Variants in CBX1 observed in about 807,000 individuals in gnomAD.
CBX1 encodes chromobox protein homolog 1.
CBX1 carries 10 observed loss-of-function variants against 25.1 expected under a neutral mutation model. The observed-to-expected ratio is 0.40, with a 90% CI of 0.25 to 0.68. The LOEUF (loss-of-function observed/expected upper bound fraction) is 0.68, where lower values mean the gene tolerates loss of function less well. Ranked by LOEUF, CBX1 falls within the 30% of genes least tolerant of loss-of-function variation. The probability of loss-of-function intolerance (pLI) is 0.40; values close to 1 mark genes in which losing one functional copy is unlikely to be tolerated. For missense variants in CBX1, 106 were observed against 218.5 expected, an observed-to-expected ratio of 0.49 and a Z score of 3.25; for synonymous variants, 63 against 79.4, an observed-to-expected ratio of 0.79 and a Z score of 1.10.
intron 2 of CBX1, 32 bp downstream of exon 2, chr17:48,076,832 GT>G (rs1567764086): frequency 6.3e-7 from 1 of 1,591,862 alleles, no homozygotes; most frequent in Non-Finnish European, 8.6e-7. Context: ...TAAACACGTG[GT>G]GGCTACATTT....
At chr17:48,076,718 C>T (rs2037678145) in intron 2 of CBX1, 147 bp downstream of exon 2, 1 of 696,030 alleles carries the variant, frequency 1.4e-6, no homozygotes, top group African/African-American at 1.8e-5. Flanking sequence ...GTATTATAAG[C>T]AGTAGGCCAT....
chr17:48,092,558 A>C (rs1420383876), intron 1 of CBX1, among the ~76,000 whole-genome samples: 1 of 150,512 alleles, frequency 6.6e-6, no homozygotes, highest in Non-Finnish European at 1.5e-5. Context: ...GGTTCAAGGG[A>C]TTCTCCTGCC....
chr17:48,091,620 A>G (rs1387643625), intron 1 of CBX1, among the ~76,000 whole-genome samples: 2 of 146,374 alleles, frequency 1.4e-5, no homozygotes, highest in African/African-American at 5.2e-5. Flanking sequence ...GGCTCACCGC[A>G]ACTTCTGCCT....
Position 48,076,993 on chromosome 17 carries a change from T to C in CBX1, c.12A>G (p.Lys4=), listed in dbSNP as rs768496504. The C allele has an allele frequency of 2.5e-6, 4 of 1,613,068 alleles. No homozygotes were observed. The East Asian group carries it at 8.9e-5, about 36-fold the overall frequency. Residue 4 remains lysine, a synonymous_variant, in exon 2 of 5, where the codon AAA becomes AAG. Transcript: ENST00000225603. MGK[K]QNKKKVEEVL... ...CCTCCTCCACTTTCTTCTTGTTTTGTTTTTTCCCCATAGTGCCCGCCAGCT... is the reference window on the plus strand; with the variant it reads ...CCTCCTCCACTTTCTTCTTGTTTTGCTTTTTCCCCATAGTGCCCGCCAGCT...
intron 1 of CBX1, among the ~76,000 whole-genome samples, chr17:48,079,155 G>A (rs1203096289): frequency 6.7e-6 from 1 of 149,720 alleles, no homozygotes; most frequent in East Asian, 2.0e-4. Context: ...AGCCGGGCTG[G>A]AGTGCAGTGG....
At chr17:48,082,970 G>A (rs914123996) in intron 1 of CBX1, among the ~76,000 whole-genome samples, 3 of 147,570 alleles carry the variant, frequency 2.0e-5, no homozygotes, top group African/African-American at 7.9e-5. Flanking sequence ...AGGTTCAAGC[G>A]ATTCTCCTGC....
At chr17:48,081,997 T>C (rs888998501) in intron 1 of CBX1, among the ~76,000 whole-genome samples, 29 of 152,090 alleles carry the variant, frequency 1.9e-4, no homozygotes, top group African/African-American at 6.8e-4. Flanking sequence ...ACACCTGTAA[T>C]TCCAGCACTT....
intron 1 of CBX1, among the ~76,000 whole-genome samples, chr17:48,091,074 A>G (rs202009642): frequency 1.3e-5 from 2 of 152,234 alleles, no homozygotes; most frequent in South Asian, 2.1e-4. Flanking sequence ...CAAGGAGACA[A>G]CTCAGCCAAA....
chr17:48,091,675 G>T (rs1257189308), intron 1 of CBX1, among the ~76,000 whole-genome samples: 3 of 151,620 alleles, frequency 2.0e-5, no homozygotes, highest in African/African-American at 7.3e-5. Flanking sequence ...CCAAATAGCT[G>T]GAATTACAAG....
chr17:48,094,317 C>T (rs60843764), intron 1 of CBX1, among the ~76,000 whole-genome samples: 24,386 of 151,580 alleles, frequency 0.16, 2,657 homozygotes, highest in African/African-American at 0.3. Context: ...ACCTGTAATC[C>T]CAGATAGTCA....
intron 1 of CBX1, among the ~76,000 whole-genome samples, chr17:48,096,066 G>C (rs2144472035): frequency 6.6e-6 from 1 of 152,272 alleles, no homozygotes; most frequent in African/African-American, 2.4e-5. Flanking sequence ...TTTTAGTAGA[G>C]ACGGAGTTTC....
chr17:48,078,814 CG>C (rs1305334433), intron 1 of CBX1, among the ~76,000 whole-genome samples: 9 of 58,052 alleles, frequency 1.6e-4, no homozygotes, highest in Admixed American at 6.8e-4. Context: ...TTTTTTGAGA[CG>C]GAGTCTCACT....
At chr17:48,087,834 T>C (rs35647888) in intron 1 of CBX1, among the ~76,000 whole-genome samples, 3,271 of 135,322 alleles carry the variant, frequency 0.024, 130 homozygotes, top group African/African-American at 0.089. Context: ...ATTGTACCAC[T>C]GCACTCCAGA....
In CBX1 at chr17:48,070,579, C is replaced by T. The variant is rs1317747903; in HGVS notation, c.*856G>A. On this transcript the variant is annotated 3_prime_UTR_variant, in exon 5 of 5. Transcript: ENST00000225603. ...TGGATGAACAAGCTGATATTTATAACTTCGTTACTGGAAAAGAAAGGGTCT... is the reference window on the plus strand; with the variant it reads ...TGGATGAACAAGCTGATATTTATAATTTCGTTACTGGAAAAGAAAGGGTCT... The T allele has an allele frequency of 6.6e-6, 1 of 152,660 alleles. No individual in the cohort carries two copies. Among genetic ancestry groups the T allele is most frequent in the African/African-American group, 2.4e-5 (1 of 41,452 alleles). The allele number at this position is 152,660 out of a possible 1,614,324, so 9.5% of individuals were successfully genotyped here.
intron 1 of CBX1, among the ~76,000 whole-genome samples, chr17:48,090,398 G>A (rs1367371259): frequency 6.6e-6 from 1 of 152,086 alleles, no homozygotes; most frequent in African/African-American, 2.4e-5. Context: ...AGCTTTTGCT[G>A]TACTCAAGAC....
intron 2 of CBX1, 146 bp from the exon 3 acceptor site, chr17:48,076,324 A>T (rs2144431498): frequency 1.7e-6 from 1 of 572,302 alleles, no homozygotes; most frequent in East Asian, 2.9e-5. Flanking sequence ...ATAAATAGAA[A>T]GCTAAGAAAC....
chr17:48,071,884 A>T (rs987179182), intron 4 of CBX1, among the ~76,000 whole-genome samples: 1 of 150,608 alleles, frequency 6.6e-6, no homozygotes, highest in Non-Finnish European at 1.5e-5. Context: ...AGATTCTCTG[A>T]GGGAAGAGAG....
intron 1 of CBX1, among the ~76,000 whole-genome samples, chr17:48,100,262 CTA>C (rs745632007): frequency 1.1e-4 from 17 of 151,966 alleles, no homozygotes; most frequent in Non-Finnish European, 1.5e-4. Flanking sequence ...CATAATTTTC[CTA>C]TGTCTCCCAA....
chr17:48,077,563 T>TA (rs1300361371), intron 1 of CBX1, among the ~76,000 whole-genome samples: 1 of 151,814 alleles, frequency 6.6e-6, no homozygotes, highest in Non-Finnish European at 1.5e-5. Context: ...GTGTTGGAAT[T>TA]ACAGGCATGA....
Sources: gnomAD v4.1 joint callset for allele counts (sites outside exome capture counted in the v4.1 genomes callset) on GRCh38, gnomAD v4.1.1 for gene constraint, MANE v1.5 for transcripts, NCBI Gene and HGNC (gene_info 2026-07-23, HGNC 2026-07-21) for gene names.